ULK4: variants seen among roughly 807,000 people sequenced by gnomAD.
The protein encoded by ULK4 is inactive serine/threonine-protein kinase ULK4.
In ULK4, 133 loss-of-function variants were observed where a neutral mutation model predicts 160.6. The observed-to-expected ratio is 0.83, with a 90% CI of 0.72 to 0.96. ULK4 has a LOEUF of 0.96. Ranked by LOEUF, ULK4 falls within the 40% of genes least tolerant of loss-of-function variation. The pLI is 0.00. For synonymous variants in ULK4, 534 were observed against 539.8 expected (o/e 0.99, Z 0.15); for missense variants, 1,580 against 1,499.5 (o/e 1.05, Z -0.89).
At chr3:41,949,486 G>A (rs140020439) in intron 2 of ULK4, among the ~76,000 whole-genome samples, 18,803 of 147,040 alleles carry the variant, frequency 0.13, 1,391 homozygotes, top group Middle Eastern at 0.28. Context: ...AGGCTGGAGC[G>A]CAATTACACG....
intron 32 of ULK4, among the ~76,000 whole-genome samples, chr3:41,551,562 G>A (rs931727302): frequency 6.6e-6 from 1 of 151,724 alleles, no homozygotes; most frequent in Non-Finnish European, 1.5e-5. Context: ...TGCCAAGATT[G>A]AATCAGGAAA....
chr3:41,352,790 T>C (rs1028539103), intron 35 of ULK4, among the ~76,000 whole-genome samples: 3 of 152,192 alleles, frequency 2.0e-5, no homozygotes, highest in African/African-American at 7.2e-5. Flanking sequence ...GGAGAGTGCG[T>C]GGCTTGCAGG....
intron 31 of ULK4, among the ~76,000 whole-genome samples, chr3:41,584,802 A>T (rs2030671064): frequency 6.6e-6 from 1 of 152,230 alleles, no homozygotes; most frequent in African/African-American, 2.4e-5. Flanking sequence ...ATATAAACAG[A>T]ATAACCAAGA....
intron 4 of ULK4, among the ~76,000 whole-genome samples, chr3:41,934,105 AC>A (rs1443368000): frequency 6.6e-6 from 1 of 152,152 alleles, no homozygotes; most frequent in Non-Finnish European, 1.5e-5. Flanking sequence ...TGGCTGAGAA[AC>A]AAATCAAAAT....
intron 19 of ULK4, among the ~76,000 whole-genome samples, chr3:41,802,743 C>T (rs774053161): frequency 1.3e-5 from 2 of 152,048 alleles, no homozygotes; most frequent in Non-Finnish European, 2.9e-5. Flanking sequence ...ATTTGCATAT[C>T]ACTATATACA....
chr3:41,683,938 G>A (rs947825255), intron 27 of ULK4, among the ~76,000 whole-genome samples: 3 of 152,126 alleles, frequency 2.0e-5, no homozygotes, highest in Non-Finnish European at 4.4e-5. Context: ...CTATCTTTGT[G>A]AAGAGAGGAC....
intron 17 of ULK4, among the ~76,000 whole-genome samples, chr3:41,863,032 C>T (rs911410058): frequency 1.3e-5 from 2 of 152,222 alleles, no homozygotes; most frequent in African/African-American, 4.8e-5. Flanking sequence ...CTGTCCTTCC[C>T]TTCAGGGCGG....
At chr3:41,751,434 A>G (rs1436764956) in intron 22 of ULK4, among the ~76,000 whole-genome samples, 1 of 152,164 alleles carries the variant, frequency 6.6e-6, no homozygotes, top group Non-Finnish European at 1.5e-5. Context: ...CAGTGCAGGA[A>G]AAATGGAGCC....
At chr3:41,625,550 A>G (rs1040111912) in intron 30 of ULK4, among the ~76,000 whole-genome samples, 1 of 152,200 alleles carries the variant, frequency 6.6e-6, no homozygotes, top group Admixed American at 6.5e-5. Context: ...GCAGAGGCCA[A>G]GGAGGATGAG....
intron 32 of ULK4, among the ~76,000 whole-genome samples, chr3:41,492,421 AAG>A (rs2084812927): frequency 6.6e-6 from 1 of 151,796 alleles, no homozygotes; most frequent in Non-Finnish European, 1.5e-5. Flanking sequence ...AGAGCTCCTG[AAG>A]GAAGCACTAA....
At chr3:41,666,401 A>C (rs1438294593) in intron 29 of ULK4, among the ~76,000 whole-genome samples, 1 of 152,210 alleles carries the variant, frequency 6.6e-6, no homozygotes, top group East Asian at 1.9e-4. Flanking sequence ...TTTCTTTAGA[A>C]TGTGCAAAGT....
chr3:41,412,762 T>C (rs1000281452), intron 34 of ULK4, among the ~76,000 whole-genome samples: 1 of 151,940 alleles, frequency 6.6e-6, no homozygotes, highest in South Asian at 2.1e-4. Context: ...GGTTTTGCCA[T>C]GTTGCCCAGG....
intron 3 of ULK4, among the ~76,000 whole-genome samples, chr3:41,937,688 T>C (rs1699824669): frequency 6.6e-6 from 1 of 152,206 alleles, no homozygotes. Flanking sequence ...AATTATTTGT[T>C]GGTTCATCTT....
Position 41,539,079 on chromosome 3 carries a change from G to T in ULK4, c.3226+26946C>A, listed in dbSNP as rs530475658. Among the ~76,000 whole-genome samples, 6 of 138,956 alleles carry T rather than the reference G, an allele frequency of 4.3e-5. No individual in the cohort carries two copies. In the South Asian group the frequency reaches 1.1e-3, roughly 27 times the overall value. The allele number at this position is 138,956 out of a possible 152,430, so 91.2% of individuals were successfully genotyped here. On this transcript the variant is annotated intron_variant, in intron 32 of 36. Transcript: ENST00000301831. Reference sequence around the variant, plus strand: ...TATTTCTAGGCTATATGGTTTGTCTGTGAGTTTTTACAAATTCTCATAAAT... The same window carrying T: ...TATTTCTAGGCTATATGGTTTGTCTTTGAGTTTTTACAAATTCTCATAAAT...
chr3:41,667,519 A>G (rs2035386052), intron 29 of ULK4, among the ~76,000 whole-genome samples: 1 of 152,230 alleles, frequency 6.6e-6, no homozygotes, highest in South Asian at 2.1e-4. Context: ...CTTTGAATGC[A>G]ACTTAGCAGA....
intron 32 of ULK4, among the ~76,000 whole-genome samples, chr3:41,510,968 C>T (rs946469206): frequency 1.3e-5 from 2 of 151,918 alleles, no homozygotes; most frequent in African/African-American, 4.8e-5. Context: ...CGAGACCATC[C>T]TGGCTAACAC....
chr3:41,938,047 T>G lies in ULK4; in HGVS notation c.238+51A>C, dbSNP rs1398167347. On this transcript the variant is annotated intron_variant, in intron 3 of 36. Transcript: ENST00000301831. ...TCAAAAGTAACAAAACTTAACAGCA[T>G]GTTTTTTTTCAATACTATATTCATA... 10 of 1,354,420 alleles carry G rather than the reference T, an allele frequency of 7.4e-6. No homozygotes were observed. The East Asian group carries it at 2.4e-4, about 33-fold the overall frequency. The allele number at this position is 1,354,420 out of a possible 1,614,324, so 83.9% of individuals were successfully genotyped here. A position where few individuals can be genotyped will look rare whatever the true frequency, so the allele number is the denominator to read the frequency against.
chr3:41,402,130 A>G (rs1283816209), intron 34 of ULK4, among the ~76,000 whole-genome samples: 1 of 152,188 alleles, frequency 6.6e-6, no homozygotes, highest in African/African-American at 2.4e-5. Flanking sequence ...TTGATTTTTT[A>G]CTGAGGTATA....
At chr3:41,690,084 A>G (rs1444157307) in intron 27 of ULK4, among the ~76,000 whole-genome samples, 1 of 146,514 alleles carries the variant, frequency 6.8e-6, no homozygotes, top group African/African-American at 2.6e-5. Flanking sequence ...AATGTGGCAC[A>G]TATACACCAT....
Sources: gnomAD v4.1 joint callset for allele counts (sites outside exome capture counted in the v4.1 genomes callset) on GRCh38, gnomAD v4.1.1 for gene constraint, MANE v1.5 for transcripts, NCBI Gene and HGNC (gene_info 2026-07-23, HGNC 2026-07-21) for gene names.